Variants in PACRG observed in about 807,000 individuals in gnomAD.
PACRG encodes parkin coregulated gene protein.
In PACRG, 29 loss-of-function variants were observed where a neutral mutation model predicts 29.7. The observed-to-expected ratio is 0.98, with a 90% confidence interval of 0.73 to 1.33. PACRG has a LOEUF of 1.33. Ranked by LOEUF, PACRG falls within the 40% of genes most tolerant of loss-of-function variation. The probability of loss-of-function intolerance (pLI) is 0.00; values close to 1 mark genes in which losing one functional copy is unlikely to be tolerated. For missense variants in PACRG, 279 were observed against 316.2 expected, an observed-to-expected ratio of 0.88 and a Z score of 0.89; for synonymous variants, 116 against 118.7, an observed-to-expected ratio of 0.98 and a Z score of 0.15.
intron 1 of PACRG, among the ~76,000 whole-genome samples, chr6:162,781,606 T>C (rs1473166618): frequency 6.6e-6 from 1 of 151,822 alleles, no homozygotes; most frequent in Non-Finnish European, 1.5e-5. Context: ...AATCTATGAC[T>C]ACACTAGCAT....
chr6:162,741,348 G>A (rs1780579050), intron 1 of PACRG, among the ~76,000 whole-genome samples: 1 of 152,144 alleles, frequency 6.6e-6, no homozygotes, highest in Non-Finnish European at 1.5e-5. Flanking sequence ...TAGACTGGGT[G>A]GCTTAAACAT....
At chr6:162,928,847 A>G (rs1171810396) in intron 2 of PACRG, among the ~76,000 whole-genome samples, 1 of 151,594 alleles carries the variant, frequency 6.6e-6, no homozygotes, top group African/African-American at 2.4e-5. Flanking sequence ...TAGCTCCTAC[A>G]TATAAGTGAG....
At chr6:163,058,223 A>G (rs1810760663) in intron 2 of PACRG, among the ~76,000 whole-genome samples, 1 of 152,154 alleles carries the variant, frequency 6.6e-6, no homozygotes, top group Non-Finnish European at 1.5e-5. Context: ...TCTAAGCAGG[A>G]TTACGTACAT....
At position 163,072,475 on chromosome 6, in the gene PACRG, C is replaced by T. The variant is rs141232336; in HGVS notation, c.463+10154C>T. On this transcript the variant is annotated intron_variant, in intron 3 of 4. Transcript: ENST00000366888. ...ATATACCTCAACATAATAAAAGCCA[C>T]GTACGACAGACTCACAGCTAGTATC... 1.6e-3 allele frequency among the ~76,000 whole-genome samples: 242 copies of T among 152,172 alleles called. 3 individuals carry two copies. The East Asian group carries it at 0.016, about 10-fold the overall frequency.
chr6:162,852,005 G>GAGGGAGGAAGGAAGGA (rs1554291943), intron 2 of PACRG, among the ~76,000 whole-genome samples: 4 of 116,032 alleles, frequency 3.4e-5, no homozygotes, highest in African/African-American at 1.4e-4. Flanking sequence ...GGGAGGGAGG[G>GAGGGAGGAAGGAAGGA]AGGAAGGAAG....
At chr6:163,207,869 C>G (rs1397360916) in intron 4 of PACRG, among the ~76,000 whole-genome samples, 1 of 152,130 alleles carries the variant, frequency 6.6e-6, no homozygotes, top group Non-Finnish European at 1.5e-5. Context: ...AAATATTCAG[C>G]GCAATAGAAT....
intron 1 of PACRG, among the ~76,000 whole-genome samples, chr6:162,810,385 G>A (rs1346900885): frequency 6.6e-6 from 1 of 152,052 alleles, no homozygotes; most frequent in Non-Finnish European, 1.5e-5. Context: ...AAACATACTG[G>A]TTTCACAAGA....
chr6:162,968,867 C>T (rs949814631), intron 2 of PACRG, among the ~76,000 whole-genome samples: 1 of 151,552 alleles, frequency 6.6e-6, no homozygotes, highest in Admixed American at 6.6e-5. Context: ...GCCAACATGG[C>T]GAAACCCCGT....
At chr6:162,811,447 A>G (rs1366498446) in intron 1 of PACRG, among the ~76,000 whole-genome samples, 1 of 152,162 alleles carries the variant, frequency 6.6e-6, no homozygotes, top group Non-Finnish European at 1.5e-5. Flanking sequence ...TAGGAAGCAG[A>G]TTCTTTGAGT....
At chr6:162,825,675 C>CTAT (rs1303933152) in intron 2 of PACRG, among the ~76,000 whole-genome samples, 2 of 152,130 alleles carry the variant, frequency 1.3e-5, no homozygotes, top group Non-Finnish European at 2.9e-5. Flanking sequence ...TCACACTCAT[C>CTAT]TATTATCTTG....
At chr6:163,308,665 C>CA (rs34275762) in intron 4 of PACRG, among the ~76,000 whole-genome samples, 23,651 of 131,174 alleles carry the variant, frequency 0.18, 2,295 homozygotes, top group African/African-American at 0.27. Flanking sequence ...GGCTCCGTCT[C>CA]AAAAAAAAAA....
intron 4 of PACRG, among the ~76,000 whole-genome samples, chr6:163,241,168 G>A (rs902181978): frequency 2.6e-5 from 4 of 152,184 alleles, no homozygotes; most frequent in African/African-American, 4.8e-5. Context: ...ACCTGAGAGA[G>A]GGGAAGAAAA....
chr6:163,183,240 G>C (rs1378640369), intron 4 of PACRG: 1 of 151,190 alleles, frequency 6.6e-6, no homozygotes, highest in Non-Finnish European at 1.5e-5. Context: ...TGCCATGGGT[G>C]CTCTGGGGGC....
chr6:162,952,267 T>G (rs1799709373), intron 2 of PACRG, among the ~76,000 whole-genome samples: 1 of 152,222 alleles, frequency 6.6e-6, no homozygotes, highest in Non-Finnish European at 1.5e-5. Flanking sequence ...CTATTGTAGG[T>G]CATGAAATAG....
At chr6:162,796,124 G>C (rs1436150465) in intron 1 of PACRG, among the ~76,000 whole-genome samples, 1 of 152,042 alleles carries the variant, frequency 6.6e-6, no homozygotes, top group East Asian at 1.9e-4. Context: ...ATGTTAAATA[G>C]TACAGCAATA....
chr6:163,093,421 G>A (rs1814295227), intron 4 of PACRG, among the ~76,000 whole-genome samples: 1 of 152,176 alleles, frequency 6.6e-6, no homozygotes, highest in African/African-American at 2.4e-5. Context: ...TTTCACAAAT[G>A]TTATTAAAGG....
intron 2 of PACRG, among the ~76,000 whole-genome samples, chr6:162,962,093 G>C (rs899315437): frequency 6.6e-6 from 1 of 152,154 alleles, no homozygotes; most frequent in African/African-American, 2.4e-5. Flanking sequence ...CTCAGGTCAA[G>C]TGCCCCCTCT....
At chr6:163,156,518 G>C (rs902196172) in intron 4 of PACRG, among the ~76,000 whole-genome samples, 5 of 152,030 alleles carry the variant, frequency 3.3e-5, no homozygotes, top group Non-Finnish European at 7.4e-5. Flanking sequence ...TGCTGCCTGG[G>C]TTCCCACTGA....
intron 4 of PACRG, among the ~76,000 whole-genome samples, chr6:163,188,525 G>A (rs1458135027): frequency 6.6e-6 from 1 of 152,198 alleles, no homozygotes; most frequent in African/African-American, 2.4e-5. Flanking sequence ...CCTCAGGCCT[G>A]AAGGCTCATC....
Sources: allele counts gnomAD v4.1 joint callset (sites outside exome capture counted in the v4.1 genomes callset), GRCh38; gene constraint gnomAD v4.1.1; transcripts MANE v1.5; gene names NCBI Gene and HGNC (gene_info 2026-07-23, HGNC 2026-07-21).